NUDT16: variants seen among roughly 807,000 people sequenced by gnomAD.
NUDT16 encodes U8 snoRNA-decapping enzyme.
NUDT16 carries 12 observed loss-of-function variants against 11.7 expected under a neutral mutation model. The observed-to-expected ratio is 1.03, with a 90% confidence interval of 0.66 to 1.67. The LOEUF (loss-of-function observed/expected upper bound fraction) is 1.67, where lower values mean the gene tolerates loss of function less well. Ranked by LOEUF, NUDT16 falls within the 40% of genes most tolerant of loss-of-function variation. The pLI, the probability that NUDT16 is intolerant of heterozygous loss-of-function variation, is 0.00. For missense variants in NUDT16, 303 were observed against 268.9 expected, an observed-to-expected ratio of 1.13 and a Z score of -0.89; for synonymous variants, 129 against 122.6, an observed-to-expected ratio of 1.05 and a Z score of -0.35.
Position 131,382,282 on chromosome 3 carries a change from C to T in NUDT16, c.375C>T (p.Ala125=), listed in dbSNP as rs756407180. 4.3e-6 allele frequency: 7 copies of T among 1,612,800 alleles called. No individual in the cohort carries two copies. The highest frequency in any genetic ancestry group is 1.7e-5 in the Admixed American group (1 of 59,976). Residue 125 remains alanine, a synonymous_variant, in exon 2 of 3, where the codon GCC becomes GCT. Transcript: ENST00000521288. ...TCGAGGAGCTGTTGGCTGTGGAGGCCGGCGCAACACGCGCCAAGGACCACG... is the reference window on the plus strand; with the variant it reads ...TCGAGGAGCTGTTGGCTGTGGAGGCTGGCGCAACACGCGCCAAGGACCACG... The part of the protein sequence containing the change: ...LTLEELLAVE[A]GATRAKDHGL...
chr3:131,387,328 G>GT lies in NUDT16; in HGVS notation c.*3988dup, dbSNP rs1257328954. On this transcript the variant is annotated 3_prime_UTR_variant, in exon 3 of 3. Transcript: ENST00000521288. Reference sequence around the variant, plus strand: ...TACAGGGGCTATGTTCCCTTTAGGGGTAGAGGTAGTCTACAGGGGCCAGCT... The same window carrying GT: ...TACAGGGGCTATGTTCCCTTTAGGGGTTAGAGGTAGTCTACAGGGGCCAGCT... 2 of 152,214 alleles carry GT rather than the reference G, an allele frequency of 1.3e-5. No individual in the cohort carries two copies. Among genetic ancestry groups the GT allele is most frequent in the Non-Finnish European group, 2.9e-5 (2 of 68,074 alleles). The allele number at this position is 152,214 out of a possible 1,614,324, so 9.4% of individuals were successfully genotyped here.
Position 131,384,544 on chromosome 3 carries a change from A to C in NUDT16, c.*1203A>C, listed in dbSNP as rs2097458258. On this transcript the variant is annotated 3_prime_UTR_variant, in exon 3 of 3. Coordinates refer to ENST00000521288, the MANE Select transcript of NUDT16 (RefSeq NM_152395.3). ...TGATGGCAACAGTCAAGATGGTGTG[A>C]TGAGAGAGATGGGAGGGGCACAAAG... 6.6e-6 allele frequency: 1 copy of C among 152,248 alleles called. No individual in the cohort carries two copies. Among genetic ancestry groups the C allele is most frequent in the Non-Finnish European group, 1.5e-5 (1 of 68,094 alleles). The allele number at this position is 152,248 out of a possible 1,614,324, so 9.4% of individuals were successfully genotyped here.
In NUDT16 at chr3:131,383,402, G is replaced by A. The variant is rs747722119; in HGVS notation, c.*61G>A. 8.1e-6 allele frequency: 13 copies of A among 1,602,958 alleles called. No homozygotes were observed. The African/African-American group carries it at 1.5e-4, about 18-fold the overall frequency. ...AGGACCTTGGTACTAGGGAGGGAGG[G>A]AAGGACGTGGGAATGTTTTCTTATT... On this transcript the variant is annotated 3_prime_UTR_variant, in exon 3 of 3. Transcript: ENST00000521288. The surrounding 1 kb of genome is among the most constrained non-coding windows in gnomAD (Gnocchi z 4.4).
rs763803559 is a variant in NUDT16 at position 131,381,917 on chromosome 3, G to A, written c.113G>A (p.Arg38His). ...YAPDPGMLFG[R>H]IPLRYAILMQ... ...CCGGACCCTGGGATGCTCTTCGGCC[G>A]CATCCCGCTGCGCTACGCCATACTG... The change falls in exon 1 of 3, where the codon CGC (arginine) becomes CAC (histidine). Residue 38 changes from arginine (R) to histidine (H), a missense_variant. Transcript: ENST00000521288. 6.2e-7 allele frequency: 1 copy of A among 1,611,430 alleles called. No individual in the cohort carries two copies. The highest frequency in any genetic ancestry group is 1.3e-5 in the African/African-American group (1 of 75,016).
At chr3:131,382,800 G>T in intron 2 of NUDT16, 1 of 1,034,212 alleles carries the variant, frequency 9.7e-7, no homozygotes, top group Non-Finnish European at 1.3e-6. Flanking sequence ...TTGGTGGTGG[G>T]GCGGGGGGAG....
chr3:131,382,497 C>T (rs2097456465), intron 2 of NUDT16, 182 bp downstream of exon 2: 1 of 1,536,210 alleles, frequency 6.5e-7, no homozygotes, highest in Admixed American at 2.0e-5. Context: ...CCAACCTGGG[C>T]TTTCTGTAAA....
In NUDT16 at chr3:131,383,200, G is replaced by A; in HGVS notation, c.447G>A (p.Arg149=). 1.9e-6 allele frequency: 3 copies of A among 1,613,566 alleles called. No homozygotes were observed. The highest frequency in any genetic ancestry group is 2.5e-6 in the Non-Finnish European group (3 of 1,180,016). ...TGCGAGTGCCCCTGTATACCCTGCG[G>A]GATGGTGTAGGAGGCCTGCCTACCT... ...GLVRVPLYTL[R]DGVGGLPTFL... Residue 149 remains arginine (R), a synonymous_variant, in exon 3 of 3, where the codon CGG becomes CGA. Coordinates refer to ENST00000521288, the MANE Select transcript of NUDT16 (RefSeq NM_152395.3). This position sits in a 1 kb window ranked among gnomAD's most constrained non-coding sequence, Gnocchi z 4.4.
chr3:131,382,874 G>C (rs1429318536), intron 2 of NUDT16: 2 of 641,498 alleles, frequency 3.1e-6, no homozygotes, highest in African/African-American at 3.7e-5. Context: ...ATAATCTGAG[G>C]ACCACATTTT....
In NUDT16 at chr3:131,386,500, C is replaced by T. The variant is rs2097459985; in HGVS notation, c.*3159C>T. 1 of 152,296 alleles carries T rather than the reference C, an allele frequency of 6.6e-6. No individual in the cohort carries two copies. The highest frequency in any genetic ancestry group is 2.4e-5 in the African/African-American group (1 of 41,454). 9.4% of individuals were successfully genotyped at this position (152,296 alleles called of 1,614,324 possible). ...CTTATCTGAAATGTTGCTGTGATTC[C>T]TGTGGTGAGATCAGATGAGGCAGCA... On this transcript the variant is annotated 3_prime_UTR_variant, in exon 3 of 3. Coordinates refer to ENST00000521288, the MANE Select transcript of NUDT16 (RefSeq NM_152395.3).
Position 131,381,950 on chromosome 3 carries a change from G to T in NUDT16, c.138+8G>T. The T allele has an allele frequency of 6.2e-7, 1 of 1,607,796 alleles. No individual in the cohort carries two copies. ...CTGCGCTACGCCATACTGGTGAGAAGGGGGCGCGCCCGGCCACTTTCTGCC... is the reference window on the plus strand; with the variant it reads ...CTGCGCTACGCCATACTGGTGAGAATGGGGCGCGCCCGGCCACTTTCTGCC... On this transcript the variant is annotated splice_region_variant and intron_variant, in intron 1 of 2. Coordinates refer to ENST00000521288, the MANE Select transcript of NUDT16 (RefSeq NM_152395.3).
Position 131,385,180 on chromosome 3 carries a change from G to C in NUDT16, c.*1839G>C, listed in dbSNP as rs2097459167. 6.6e-6 allele frequency: 1 copy of C among 152,290 alleles called. No individual in the cohort carries two copies. Among genetic ancestry groups the C allele is most frequent in the Non-Finnish European group, 1.5e-5 (1 of 68,108 alleles). The allele number at this position is 152,290 out of a possible 1,614,324, so 9.4% of individuals were successfully genotyped here. ...ATTAGGAAATTAGAGGTCTTGACAA[G>C]ATAGAAACTCCAGCATGGTGAGGGG... On this transcript the variant is annotated 3_prime_UTR_variant, in exon 3 of 3. Transcript: ENST00000521288.
In NUDT16 at chr3:131,382,152, G is replaced by C; in HGVS notation, c.245G>C (p.Gly82Ala). The C allele has an allele frequency of 6.2e-7, 1 of 1,611,960 alleles. No individual in the cohort carries two copies. The highest frequency in any genetic ancestry group is 8.5e-7 in the Non-Finnish European group (1 of 1,179,428). Residue 82 changes from glycine to alanine, a missense_variant, in exon 2 of 3, where the codon GGC becomes GCC. Transcript: ENST00000521288. Reference protein sequence around the residue: ...GLNRELREELGEAAAAFRVER... With the variant: ...GLNRELREELAEAAAAFRVER... ...AACCGCGAGCTGCGCGAGGAGCTGG[G>C]CGAAGCGGCTGCCGCTTTCCGCGTG...
intron 2 of NUDT16, chr3:131,382,749 G>A (rs2097456803): frequency 2.2e-6 from 3 of 1,344,728 alleles, no homozygotes; most frequent in Non-Finnish European, 2.9e-6. Flanking sequence ...GAATCATCGG[G>A]GCGTCTTATT....
rs1030233885 is a variant in NUDT16, at chr3:131,385,349, G to A, written c.*2008G>A. Reference sequence around the variant, plus strand: ...GGAGCCTTAAGAAGTGAAATCTAGGGTTGGCGAGGCTGGAGGGCAGGGTGA... The same window carrying A: ...GGAGCCTTAAGAAGTGAAATCTAGGATTGGCGAGGCTGGAGGGCAGGGTGA... On this transcript the variant is annotated 3_prime_UTR_variant, in exon 3 of 3. Coordinates refer to ENST00000521288, the MANE Select transcript of NUDT16 (RefSeq NM_152395.3). 9 of 152,596 alleles carry A rather than the reference G, an allele frequency of 5.9e-5. No individual in the cohort carries two copies. The highest frequency in any genetic ancestry group is 1.3e-4 in the Admixed American group (2 of 15,294). The allele number at this position is 152,596 out of a possible 1,614,324, so 9.5% of individuals were successfully genotyped here. A position where few individuals can be genotyped will look rare whatever the true frequency, so the allele number is the denominator to read the frequency against.
In NUDT16 at chr3:131,382,221, G is replaced by A. The variant is rs1268496259; in HGVS notation, c.314G>A (p.Arg105His). The change falls in exon 2 of 3, where the codon CGC becomes CAC. Residue 105 changes from arginine (R) to histidine (H), a missense_variant. Physicochemically the swap from Arg to His is conservative, Grantham distance 29. Transcript: ENST00000521288. ...YRSSHVGSGP[R>H]VVAHFYAKRL... ...AGCTCCCACGTCGGGTCAGGGCCACGCGTTGTGGCCCACTTCTATGCCAAG... is the reference window on the plus strand; with the variant it reads ...AGCTCCCACGTCGGGTCAGGGCCACACGTTGTGGCCCACTTCTATGCCAAG... 6.2e-7 allele frequency: 1 copy of A among 1,610,350 alleles called. No homozygotes were observed. Among genetic ancestry groups the A allele is most frequent in the Non-Finnish European group, 8.5e-7 (1 of 1,178,310 alleles).
Position 131,386,526 on chromosome 3 carries a change from C to G in NUDT16, c.*3185C>G, listed in dbSNP as rs1313342895. 1.3e-5 allele frequency: 2 copies of G among 152,228 alleles called. No homozygotes were observed. Among genetic ancestry groups the G allele is most frequent in the African/African-American group, 4.8e-5 (2 of 41,454 alleles). The allele number at this position is 152,228 out of a possible 1,614,324, so 9.4% of individuals were successfully genotyped here. On this transcript the variant is annotated 3_prime_UTR_variant, in exon 3 of 3. Transcript: ENST00000521288. Reference sequence around the variant, plus strand: ...TGTGGTGAGATCAGATGAGGCAGCACTTGGGATAAGCTTGCAGAGATGCAT... The same window carrying G: ...TGTGGTGAGATCAGATGAGGCAGCAGTTGGGATAAGCTTGCAGAGATGCAT...
Position 131,383,065 on chromosome 3 carries a change from G to A in NUDT16, c.409-97G>A, listed in dbSNP as rs548276184. ...GAGCCTTGGGCCTGGTTCTGCTGGAGTATTAAGGGGTGAGGCCTGATCTGC... is the reference window on the plus strand; with the variant it reads ...GAGCCTTGGGCCTGGTTCTGCTGGAATATTAAGGGGTGAGGCCTGATCTGC... On this transcript the variant is annotated intron_variant, in intron 2 of 2. Coordinates refer to ENST00000521288, the MANE Select transcript of NUDT16 (RefSeq NM_152395.3). The surrounding 1 kb of genome is among the most constrained non-coding windows in gnomAD (Gnocchi z 4.4). 1.5e-6 allele frequency: 2 copies of A among 1,336,906 alleles called. No individual in the cohort carries two copies. Among genetic ancestry groups the A allele is most frequent in the African/African-American group, 2.9e-5 (2 of 68,496 alleles). The allele number at this position is 1,336,906 out of a possible 1,614,324, so 82.8% of individuals were successfully genotyped here.
intron 2 of NUDT16, chr3:131,382,856 T>G (rs1029376930): frequency 5.9e-6 from 4 of 681,792 alleles, no homozygotes; most frequent in African/African-American, 5.4e-5. Flanking sequence ...CAAATAATGC[T>G]GATGCAAATA....
chr3:131,382,457 CG>C (rs1398703232), intron 2 of NUDT16, 142 bp downstream of exon 2: 1 of 1,537,638 alleles, frequency 6.5e-7, no homozygotes, highest in South Asian at 1.2e-5. Context: ...GAGTTGGGAT[CG>C]TGATCATCTA....
Sources: gnomAD v4.1 joint callset for allele counts on GRCh38, gnomAD v4.1.1 for gene constraint, Gnocchi (gnomAD v3.1) non-coding constraint, MANE v1.5 for transcripts, NCBI Gene and HGNC (gene_info 2026-07-23, HGNC 2026-07-21) for gene names.